Variants in PCDHA10 observed in about 807,000 individuals in gnomAD.
PCDHA10 encodes the protein protocadherin alpha-10.
PCDHA10 carries 45 observed loss-of-function variants against 61.2 expected under a neutral mutation model. That is an observed-to-expected ratio of 0.74 (90% CI 0.58 to 0.94). The LOEUF (loss-of-function observed/expected upper bound fraction) is 0.94. Ranked by LOEUF, PCDHA10 falls within the 40% of genes least tolerant of loss-of-function variation. The pLI, the probability that PCDHA10 is intolerant of heterozygous loss-of-function variation, is 0.00. For missense variants in PCDHA10, 1,278 were observed against 1,236.2 expected, an observed-to-expected ratio of 1.03 and a Z score of -0.51; for synonymous variants, 602 against 548.8, an observed-to-expected ratio of 1.10 and a Z score of -1.35.
At chr5:140,874,713 T>C (rs976044407) in intron 1 of PCDHA10, among the ~76,000 whole-genome samples, 2 of 152,248 alleles carry the variant, frequency 1.3e-5, no homozygotes, top group Non-Finnish European at 1.5e-5. Context: ...AGAGCAGTTA[T>C]GTGAAAAGTT....
In PCDHA10 at chr5:140,982,560, C is replaced by G. The variant is rs782437404; in HGVS notation, c.2533C>G (p.Pro845Ala). The G allele has an allele frequency of 5.6e-6, 9 of 1,614,098 alleles. No homozygotes were observed. Among genetic ancestry groups the G allele is most frequent in the South Asian group, 4.4e-5 (4 of 91,078 alleles). ...QQWPTVSSAT[P>A]EPEAGEVSPP... ...GTGGCCAACAGTATCCAGTGCAACA[C>G]CAGGTAAAGAGCTGGGGTCTCTCCA... Residue 845 changes from proline to alanine, a missense_variant, in exon 3 of 4, where the codon CCA (proline) becomes GCA (alanine). Physicochemically the swap from Pro to Ala is conservative, Grantham distance 27. Coordinates refer to ENST00000307360, the MANE Select transcript of PCDHA10 (RefSeq NM_018901.4).
chr5:140,957,038 C>T (rs534661886), intron 1 of PCDHA10, among the ~76,000 whole-genome samples: 1 of 152,048 alleles, frequency 6.6e-6, no homozygotes, highest in South Asian at 2.1e-4. Context: ...TTATGGGAGT[C>T]ATATAAAATA....
chr5:140,926,948 CG>C, intron 1 of PCDHA10: 2 of 1,589,778 alleles, frequency 1.3e-6, no homozygotes, highest in African/African-American at 1.3e-5. Context: ...GGCGCTGCAG[CG>C]GGACAGCTCG....
rs139717123 is a variant in PCDHA10, at chr5:140,967,213, G to A, written c.2389-11736G>A. 8 of 1,613,598 alleles carry A rather than the reference G, an allele frequency of 5.0e-6. No individual in the cohort carries two copies. The African/African-American group carries it at 8.0e-5, about 16-fold the overall frequency. On this transcript the variant is annotated intron_variant, in intron 1 of 3. Coordinates refer to ENST00000307360, the MANE Select transcript of PCDHA10 (RefSeq NM_018901.4). ...TCAACGACAACTCACCGCGTTTCCC[G>A]CGGCCCAACTACCAGCTTCAGGTAA...
intron 1 of PCDHA10, among the ~76,000 whole-genome samples, chr5:140,945,724 A>G (rs569323682): frequency 4.6e-5 from 7 of 152,272 alleles, no homozygotes; most frequent in South Asian, 2.1e-4. Flanking sequence ...AAGAATATAC[A>G]ATGGAAAAAG....
chr5:141,003,608 C>T (rs951443168), intron 3 of PCDHA10, among the ~76,000 whole-genome samples: 3 of 152,136 alleles, frequency 2.0e-5, no homozygotes, highest in East Asian at 1.9e-4. Flanking sequence ...CCACCATTCC[C>T]GGCCCCAGAG....
At chr5:140,981,828 A>C (rs2096952526) in intron 2 of PCDHA10, among the ~76,000 whole-genome samples, 1 of 152,060 alleles carries the variant, frequency 6.6e-6, no homozygotes, top group Non-Finnish European at 1.5e-5. Context: ...GCTTGCCTCT[A>C]AAGGTCTCCC....
At chr5:140,948,321 T>C (rs922752818) in intron 1 of PCDHA10, among the ~76,000 whole-genome samples, 7 of 151,748 alleles carry the variant, frequency 4.6e-5, no homozygotes, top group South Asian at 4.1e-4. Flanking sequence ...AGGGGTAATG[T>C]TTTCATTAGG....
At chr5:140,863,157 C>G in intron 1 of PCDHA10, 1 of 638,958 alleles carries the variant, frequency 1.6e-6, no homozygotes, top group South Asian at 1.4e-5. Flanking sequence ...AGGACCACTG[C>G]GAGCTGGCGC....
chr5:140,876,868 G>T, intron 1 of PCDHA10: 1 of 1,614,160 alleles, frequency 6.2e-7, no homozygotes, highest in Non-Finnish European at 8.5e-7. Flanking sequence ...GTTCGTGAAG[G>T]AGAACAACCC....
chr5:140,921,741 A>G (rs1437643098), intron 1 of PCDHA10, among the ~76,000 whole-genome samples: 1 of 152,202 alleles, frequency 6.6e-6, no homozygotes, highest in Non-Finnish European at 1.5e-5. Context: ...AATTATAAGC[A>G]TAACAGGACA....
chr5:140,868,653 G>T (rs897751330), intron 1 of PCDHA10: 1 of 162,858 alleles, frequency 6.1e-6, no homozygotes, highest in African/African-American at 2.4e-5. Flanking sequence ...CTGTGTATAA[G>T]TATTTTAGAT....
chr5:140,951,046 TA>T (rs1414168325), intron 1 of PCDHA10, among the ~76,000 whole-genome samples: 1 of 152,138 alleles, frequency 6.6e-6, no homozygotes, highest in Non-Finnish European at 1.5e-5. Context: ...ATTATATTTT[TA>T]TTGCTAAAAT....
chr5:140,985,063 G>C (rs2097134230), intron 3 of PCDHA10, among the ~76,000 whole-genome samples: 1 of 151,948 alleles, frequency 6.6e-6, no homozygotes, highest in African/African-American at 2.4e-5. Flanking sequence ...TCAGCCTCCT[G>C]AGTAGCTGAG....
intron 3 of PCDHA10, among the ~76,000 whole-genome samples, chr5:141,007,029 T>C (rs2098299696): frequency 6.6e-6 from 1 of 152,154 alleles, no homozygotes; most frequent in Non-Finnish European, 1.5e-5. Context: ...ATATGGTATT[T>C]ATATCTATGG....
intron 1 of PCDHA10, among the ~76,000 whole-genome samples, chr5:140,908,920 C>A (rs782461394): frequency 6.6e-5 from 10 of 152,180 alleles, no homozygotes; most frequent in Admixed American, 1.3e-4. Flanking sequence ...GTAGGAGGGG[C>A]CAAATGCAGC....
chr5:141,009,103 C>G (rs1440460108), intron 3 of PCDHA10, among the ~76,000 whole-genome samples: 1 of 152,170 alleles, frequency 6.6e-6, no homozygotes, highest in African/African-American at 2.4e-5. Flanking sequence ...ACATATGTTA[C>G]TATGAAACTA....
At chr5:140,881,382 C>T (rs1312033271) in intron 1 of PCDHA10, 2 of 983,994 alleles carry the variant, frequency 2.0e-6, no homozygotes, top group Non-Finnish European at 2.4e-6. Flanking sequence ...CAGCCGGCGG[C>T]GGTAAGTTAA....
intron 1 of PCDHA10, chr5:140,881,332 C>G (rs923599590): frequency 1.0e-6 from 1 of 984,540 alleles, no homozygotes; most frequent in East Asian, 1.1e-4. Context: ...TTAACCAGGA[C>G]GCCGATTCGG....
Sources: allele counts gnomAD v4.1 joint callset (sites outside exome capture counted in the v4.1 genomes callset), GRCh38; gene constraint gnomAD v4.1.1; transcripts MANE v1.5; gene names NCBI Gene and HGNC (gene_info 2026-07-23, HGNC 2026-07-21).